TOX: variants seen among roughly 807,000 people sequenced by gnomAD.
TOX encodes the protein thymocyte selection associated high mobility group box.
In TOX, 11 loss-of-function variants were observed where a neutral mutation model predicts 53.7. That is an observed-to-expected ratio of 0.20 (90% CI 0.13 to 0.34). TOX has a LOEUF of 0.34. Among genes scored for constraint, TOX ranks in the 10% least tolerant of loss-of-function variants. The pLI is 1.00. For missense variants in TOX, 570 were observed against 664.6 expected (o/e 0.86, Z 1.56); for synonymous variants, 225 against 245.3 (o/e 0.92, Z 0.77).
chr8:59,118,149 G>A lies in TOX; in HGVS notation c.102+737C>T, dbSNP rs911230560. ...AGCGGGCCGTGGGTACAGCTCAGCC[G>A]CGGACCCTGCTCCGCGAGTGCGGGA... On this transcript the variant is annotated intron_variant, in intron 1 of 8. Transcript: ENST00000361421. The surrounding 1 kb of genome is among the most constrained non-coding windows in gnomAD (Gnocchi z 4.1). Among the ~76,000 whole-genome samples the A allele has an allele frequency of 2.6e-5, 4 of 152,188 alleles. No individual in the cohort carries two copies. Among genetic ancestry groups the A allele is most frequent in the Non-Finnish European group, 4.4e-5 (3 of 68,024 alleles).
intron 1 of TOX, among the ~76,000 whole-genome samples, chr8:59,039,781 C>CA (rs911389798): frequency 2.0e-5 from 3 of 152,064 alleles, no homozygotes; most frequent in Admixed American, 2.0e-4. Flanking sequence ...AAATATCCAG[C>CA]AAAAATAGAA....
chr8:58,987,706 G>A (rs1813359393), intron 1 of TOX, among the ~76,000 whole-genome samples: 1 of 152,198 alleles, frequency 6.6e-6, no homozygotes, highest in South Asian at 2.1e-4. Flanking sequence ...AGATGAAGTA[G>A]TGCCTGGTGT....
rs978775518 is a variant in TOX at position 58,984,905 on chromosome 8, C to T, written c.103-24897G>A. Among the ~76,000 whole-genome samples the T allele has an allele frequency of 6.0e-5, 9 of 150,676 alleles. No homozygotes were observed. The South Asian group carries it at 1.7e-3, about 28-fold the overall frequency. On this transcript the variant is annotated intron_variant, in intron 1 of 8. Transcript: ENST00000361421. ...ATGGTGCAACTGGCTGTAGAAAACA[C>T]GATGGCAGTTTCTCAAAAAATTAAA...
chr8:58,922,877 C>T lies in TOX; in HGVS notation c.411+16425G>A, dbSNP rs139259001. ...CAGGGCAGGAGCAAGGTGCCACTTACGGCTAGAGTTTCCGAGCAGTGACAT... is the reference window on the plus strand; with the variant it reads ...CAGGGCAGGAGCAAGGTGCCACTTATGGCTAGAGTTTCCGAGCAGTGACAT... On this transcript the variant is annotated intron_variant, in intron 3 of 8. Transcript: ENST00000361421. 1.5e-3 allele frequency among the ~76,000 whole-genome samples: 236 copies of T among 152,262 alleles called. 1 individual carries two copies. The highest frequency in any genetic ancestry group is 4.9e-3 in the African/African-American group (203 of 41,536).
chr8:58,922,891 G>T (rs1407359503), intron 3 of TOX, among the ~76,000 whole-genome samples: 1 of 152,172 alleles, frequency 6.6e-6, no homozygotes, highest in African/African-American at 2.4e-5. Context: ...TAGAGTTTCC[G>T]AGCAGTGACA....
chr8:58,878,324 A>C (rs1262860646), intron 3 of TOX, among the ~76,000 whole-genome samples: 1 of 152,198 alleles, frequency 6.6e-6, no homozygotes, highest in Non-Finnish European at 1.5e-5. Flanking sequence ...TTTAGGTAAT[A>C]TGCTTCTATA....
Position 58,902,640 on chromosome 8 carries a change from T to C in TOX, c.411+36662A>G, listed in dbSNP as rs533316739. On this transcript the variant is annotated intron_variant, in intron 3 of 8. Coordinates refer to ENST00000361421, the MANE Select transcript of TOX (RefSeq NM_014729.3). Reference sequence around the variant, plus strand: ...TTTTCTGGAAAAATGAGTTAGTTGATCATGTCATTTTGCCAAAAATGGGAT... The same window carrying C: ...TTTTCTGGAAAAATGAGTTAGTTGACCATGTCATTTTGCCAAAAATGGGAT... 4.6e-5 allele frequency among the ~76,000 whole-genome samples: 7 copies of C among 152,326 alleles called. No homozygotes were observed. In the East Asian group the frequency reaches 1.3e-3, roughly 29 times the overall value.
chr8:58,962,448 ATAAGT>A (rs1812816697), intron 1 of TOX, among the ~76,000 whole-genome samples: 1 of 152,344 alleles, frequency 6.6e-6, no homozygotes, highest in East Asian at 1.9e-4. Flanking sequence ...AAAGGCACAG[ATAAGT>A]TAAGCTAGAT....
At chr8:59,076,130 C>T (rs924892825) in intron 1 of TOX, among the ~76,000 whole-genome samples, 2 of 152,134 alleles carry the variant, frequency 1.3e-5, no homozygotes, top group African/African-American at 4.8e-5. Context: ...GGGACCTCCA[C>T]TGCGCAGTAC....
intron 3 of TOX, among the ~76,000 whole-genome samples, chr8:58,928,652 ACAT>A (rs1812204884): frequency 6.6e-6 from 1 of 152,052 alleles, no homozygotes; most frequent in African/African-American, 2.4e-5. Context: ...ATATACACAC[ACAT>A]CACAATAGAA....
intron 1 of TOX, among the ~76,000 whole-genome samples, chr8:59,005,804 T>C (rs1187328008): frequency 6.6e-6 from 1 of 152,242 alleles, no homozygotes; most frequent in Non-Finnish European, 1.5e-5. Context: ...GCTGAAAGCC[T>C]AGTCTCCTGG....
chr8:58,864,332 T>C (rs546747565), intron 3 of TOX, among the ~76,000 whole-genome samples: 1 of 152,174 alleles, frequency 6.6e-6, no homozygotes, highest in Non-Finnish European at 1.5e-5. Context: ...CTAGACTTAG[T>C]CTGTAGTTTC....
intron 3 of TOX, among the ~76,000 whole-genome samples, chr8:58,858,744 C>T (rs1332215966): frequency 6.6e-6 from 1 of 152,218 alleles, no homozygotes; most frequent in African/African-American, 2.4e-5. Flanking sequence ...TGCTTCCTCT[C>T]GGTCCCTTTT....
chr8:58,837,310 T>C (rs1379342610), intron 5 of TOX, among the ~76,000 whole-genome samples: 1 of 152,224 alleles, frequency 6.6e-6, no homozygotes, highest in East Asian at 1.9e-4. Flanking sequence ...AATTTTTCTT[T>C]GTGATGCTGA....
chr8:59,114,491 A>G (rs975439309), intron 1 of TOX, among the ~76,000 whole-genome samples: 10 of 152,210 alleles, frequency 6.6e-5, no homozygotes, highest in Non-Finnish European at 5.9e-5. Flanking sequence ...ATAGGCATTT[A>G]TTTAAAACAT....
intron 3 of TOX, among the ~76,000 whole-genome samples, chr8:58,882,377 A>C (rs1811397924): frequency 6.6e-6 from 1 of 152,236 alleles, no homozygotes; most frequent in Admixed American, 6.5e-5. Flanking sequence ...AACAATAGGA[A>C]AATAGATAAT....
chr8:59,083,940 A>T (rs1804461348), intron 1 of TOX, among the ~76,000 whole-genome samples: 1 of 152,132 alleles, frequency 6.6e-6, no homozygotes. Flanking sequence ...TTAGGGCAAA[A>T]GACACTTGTT....
At chr8:59,002,377 G>A (rs1377389504) in intron 1 of TOX, among the ~76,000 whole-genome samples, 1 of 151,502 alleles carries the variant, frequency 6.6e-6, no homozygotes, top group Non-Finnish European at 1.5e-5. Context: ...CGGATCACGA[G>A]GTCAGGAGAT....
At chr8:58,877,693 A>G (rs532090230) in intron 3 of TOX, among the ~76,000 whole-genome samples, 1 of 152,206 alleles carries the variant, frequency 6.6e-6, no homozygotes, top group Admixed American at 6.5e-5. Flanking sequence ...TTCACAAAAC[A>G]AACAGTCTCT....
Sources: gnomAD v4.1 joint callset for allele counts (sites outside exome capture counted in the v4.1 genomes callset) on GRCh38, gnomAD v4.1.1 for gene constraint, Gnocchi (gnomAD v3.1) non-coding constraint, MANE v1.5 for transcripts, NCBI Gene and HGNC (gene_info 2026-07-23, HGNC 2026-07-21) for gene names.